PSD3: variants seen among roughly 807,000 people sequenced by gnomAD.
PSD3 encodes the protein PH and SEC7 domain-containing protein 3.
In PSD3, 49 loss-of-function variants were observed where a neutral mutation model predicts 105.5. The ratio of observed to expected loss-of-function variants is 0.46; its 90% CI spans 0.37 to 0.59. The LOEUF (loss-of-function observed/expected upper bound fraction) is 0.59, where lower values mean the gene tolerates loss of function less well. PSD3 is among the 20% of genes least tolerant of loss of function. PSD3 has a pLI of 0.00. For synonymous variants in PSD3, 557 were observed against 457.8 expected (o/e 1.22, Z -2.77); for missense variants, 1,561 against 1,263.8 (o/e 1.24, Z -3.57).
chr8:18,865,323 G>C (rs1816847915), intron 4 of PSD3: 2 of 119,978 alleles, frequency 1.7e-5, no homozygotes, highest in Non-Finnish European at 1.7e-5. Flanking sequence ...GGCTATCTGA[G>C]GCCCCTTCAA....
intron 2 of PSD3, among the ~76,000 whole-genome samples, chr8:18,903,675 G>C (rs1205376262): frequency 6.6e-6 from 1 of 152,184 alleles, no homozygotes; most frequent in African/African-American, 2.4e-5. Context: ...TGATACCCCA[G>C]GGACCAATGT....
chr8:18,553,001 A>T (rs1800866075), intron 15 of PSD3, among the ~76,000 whole-genome samples: 1 of 152,144 alleles, frequency 6.6e-6, no homozygotes, highest in Non-Finnish European at 1.5e-5. Context: ...ACTGTCAGTC[A>T]GAGTTTGGAC....
chr8:19,026,701 CAAAAAA>C (rs10669321), intron 1 of PSD3, among the ~76,000 whole-genome samples: 81 of 82,242 alleles, frequency 9.8e-4, no homozygotes, highest in Middle Eastern at 9.3e-3. Context: ...CACATCTCTA[CAAAAAA>C]AAAAAAAAAA....
intron 14 of PSD3, among the ~76,000 whole-genome samples, chr8:18,556,622 T>C (rs1801092479): frequency 6.6e-6 from 1 of 152,264 alleles, no homozygotes; most frequent in Admixed American, 6.5e-5. Context: ...CAGGTGTAAA[T>C]GCCCCTGAGT....
intron 11 of PSD3, among the ~76,000 whole-genome samples, chr8:18,620,020 C>T (rs1010736491): frequency 2.0e-5 from 3 of 152,160 alleles, no homozygotes; most frequent in East Asian, 1.9e-4. Flanking sequence ...GTCTGTTTCT[C>T]TGAGGGCTGC....
intron 4 of PSD3, among the ~76,000 whole-genome samples, chr8:18,855,059 T>C (rs1815900216): frequency 6.6e-6 from 1 of 152,212 alleles, no homozygotes; most frequent in African/African-American, 2.4e-5. Context: ...CCAGAGTGTG[T>C]GTCAGCCCTA....
intron 12 of PSD3, 70 bp from the exon 13 acceptor site, chr8:18,575,355 A>G (rs1802404683): frequency 1.4e-6 from 2 of 1,399,924 alleles, no homozygotes; most frequent in Non-Finnish European, 1.9e-6. Context: ...TTTAAAAGCA[A>G]AAACTAAAAA....
chr8:18,881,311 G>T (rs2129458654), intron 2 of PSD3, among the ~76,000 whole-genome samples: 1 of 152,286 alleles, frequency 6.6e-6, no homozygotes, highest in African/African-American at 2.4e-5. Context: ...CAGGGACAGA[G>T]CTGTAATAAA....
At chr8:18,978,923 AG>A (rs775750158) in intron 1 of PSD3, among the ~76,000 whole-genome samples, 6 of 152,054 alleles carry the variant, frequency 3.9e-5, no homozygotes, top group Non-Finnish European at 7.4e-5. Context: ...CCACAACCAC[AG>A]AAGAGCTTCC....
intron 15 of PSD3, among the ~76,000 whole-genome samples, chr8:18,538,031 C>A (rs1431698528): frequency 2.0e-5 from 3 of 152,164 alleles, no homozygotes; most frequent in Non-Finnish European, 4.4e-5. Flanking sequence ...AAAGCTGCTG[C>A]CCCGTGACAT....
chr8:18,803,153 G>T (rs1810860942), intron 6 of PSD3: 1 of 234,620 alleles, frequency 4.3e-6, no homozygotes. Context: ...CAGGTGTGGT[G>T]GTGCGTACCT....
chr8:18,583,199 G>C (rs1190061892), intron 12 of PSD3, among the ~76,000 whole-genome samples: 2 of 152,122 alleles, frequency 1.3e-5, no homozygotes, highest in African/African-American at 4.8e-5. Flanking sequence ...TGCACTTTGG[G>C]AGGTCAAGGC....
rs554944742 is a variant in PSD3, at chr8:18,532,692, C to A, written c.*3051G>T. On this transcript the variant is annotated 3_prime_UTR_variant, in exon 16 of 16. Transcript: ENST00000327040. ...CACTTCAGAAATGCCTACGGGCTGG[C>A]GATAAAGTAAGGACTCTGCATCCCA... 6.6e-6 allele frequency: 1 copy of A among 152,190 alleles called. No individual in the cohort carries two copies. The highest frequency in any genetic ancestry group is 2.1e-4 in the South Asian group (1 of 4,812). 9.4% of individuals were successfully genotyped at this position (152,190 alleles called of 1,614,324 possible).
At chr8:18,916,327 TATATATATATATATATA>T (rs1563416778) in intron 2 of PSD3, among the ~76,000 whole-genome samples, 4 of 57,952 alleles carry the variant, frequency 6.9e-5, no homozygotes, top group Non-Finnish European at 1.3e-4. Context: ...TATATATATA[TATATATATATATATATA>T]TATATACACA....
intron 1 of PSD3, among the ~76,000 whole-genome samples, chr8:18,954,532 A>ACCATCCAT (rs745421536): frequency 8.5e-5 from 13 of 152,118 alleles, no homozygotes; most frequent in East Asian, 1.9e-4. Context: ...GAAGCAATCA[A>ACCATCCAT]CCATCCATCC....
At chr8:18,985,824 A>C (rs1825472142) in intron 1 of PSD3, among the ~76,000 whole-genome samples, 1 of 152,110 alleles carries the variant, frequency 6.6e-6, no homozygotes, top group South Asian at 2.1e-4. Context: ...CTAGAAGCCA[A>C]ATAAATATTT....
chr8:18,924,110 C>A (rs1191330713), intron 2 of PSD3, among the ~76,000 whole-genome samples: 1 of 152,146 alleles, frequency 6.6e-6, no homozygotes, highest in Non-Finnish European at 1.5e-5. Context: ...ACAGCCCATT[C>A]TACAGATACG....
intron 4 of PSD3, among the ~76,000 whole-genome samples, chr8:18,814,744 C>G (rs143657217): frequency 6.6e-6 from 1 of 152,128 alleles, no homozygotes; most frequent in South Asian, 2.1e-4. Flanking sequence ...GCCCCATTTC[C>G]GGTGGACAAG....
intron 2 of PSD3, among the ~76,000 whole-genome samples, chr8:18,917,178 T>C (rs1820677958): frequency 6.6e-6 from 1 of 152,196 alleles, no homozygotes; most frequent in Non-Finnish European, 1.5e-5. Context: ...CCCTGCAGTA[T>C]GTCTCGTCTT....
Sources: allele counts gnomAD v4.1 joint callset (sites outside exome capture counted in the v4.1 genomes callset), GRCh38; gene constraint gnomAD v4.1.1; transcripts MANE v1.5; gene names NCBI Gene and HGNC (gene_info 2026-07-23, HGNC 2026-07-21).